VILL: variants seen among roughly 807,000 people sequenced by gnomAD.
VILL encodes the protein villin like.
A neutral mutation model predicts 106.3 loss-of-function variants in VILL; 102 were observed. The observed-to-expected ratio is 0.96, with a 90% confidence interval of 0.82 to 1.13. The LOEUF (loss-of-function observed/expected upper bound fraction) is 1.13. VILL is among the 50% of genes most tolerant of loss of function. VILL has a pLI of 0.00. For synonymous variants in VILL, 431 were observed against 440.3 expected, an observed-to-expected ratio of 0.98 and a Z score of 0.27; for missense variants, 1,076 against 1,116.6, an observed-to-expected ratio of 0.96 and a Z score of 0.52.
intron 1 of VILL, among the ~76,000 whole-genome samples, chr3:37,992,780 C>CCACAGTGGCAACAGTTGTT (rs749063600): frequency 2.6e-5 from 4 of 152,194 alleles, no homozygotes; most frequent in Admixed American, 6.5e-5. Flanking sequence ...TTGGGTGTTG[C>CCACAGTGGCAACAGTTGTT]CACAGTGTAC....
At position 37,998,500 on chromosome 3, in the gene VILL, C is replaced by T. The variant is rs1699749358; in HGVS notation, c.942+136C>T. The stretch of plus-strand genomic sequence containing the variant: ...GAGTTGGGAAATCCTATGCTGGAGT[C>T]TTAAAGGGGAGGTAGCCCTGCCCTG... On this transcript the variant is annotated intron_variant, in intron 9 of 19. Coordinates refer to ENST00000383759, the MANE Select transcript of VILL (RefSeq NM_015873.4). This position sits in a 1 kb window ranked among gnomAD's most constrained non-coding sequence, Gnocchi z 4.1. 1.3e-6 allele frequency: 1 copy of T among 798,700 alleles called. No homozygotes were observed. Among genetic ancestry groups the T allele is most frequent in the Non-Finnish European group, 2.0e-6 (1 of 507,384 alleles). 49.5% of individuals were successfully genotyped at this position (798,700 alleles called of 1,614,324 possible).
Position 37,997,542 on chromosome 3 carries a change from T to G in VILL, c.621T>G (p.Ile207Met). ...DRERGGGRAQ[I>M]GVVDDEAKAP... Reference sequence around the variant, plus strand: ...AACGTGGTGGTGGTCGTGCACAGATTGGTGTGGTGGATGATGAGGCCAAAG... The same window carrying G: ...AACGTGGTGGTGGTCGTGCACAGATGGGTGTGGTGGATGATGAGGCCAAAG... Residue 207 changes from isoleucine to methionine, a missense_variant, in exon 7 of 20, where the codon ATT becomes ATG. Coordinates refer to ENST00000383759, the MANE Select transcript of VILL (RefSeq NM_015873.4). The surrounding 1 kb of genome is among the most constrained non-coding windows in gnomAD (Gnocchi z 4.7). The G allele has an allele frequency of 1.2e-6, 2 of 1,613,998 alleles. No individual in the cohort carries two copies. The highest frequency in any genetic ancestry group is 1.7e-6 in the Non-Finnish European group (2 of 1,179,988).
chr3:37,991,707 A>C (rs1164160850), intron 1 of VILL, among the ~76,000 whole-genome samples: 1 of 151,984 alleles, frequency 6.6e-6, no homozygotes, highest in African/African-American at 2.4e-5. Context: ...GGAGAGGACC[A>C]GGGATAGGAG....
chr3:38,006,141 C>T, intron 17 of VILL, 40 bp from the exon 18 acceptor site: 3 of 1,613,906 alleles, frequency 1.9e-6, no homozygotes, highest in Non-Finnish European at 8.5e-7. Flanking sequence ...GCCCCCTTCT[C>T]CTGCCCTGGC....
intron 10 of VILL, 96 bp downstream of exon 10, chr3:37,999,146 G>T: frequency 1.8e-6 from 2 of 1,096,040 alleles, no homozygotes; most frequent in Non-Finnish European, 1.2e-6. Context: ...GTGAGCGGGC[G>T]GGGCGGGGCC....
intron 4 of VILL, among the ~76,000 whole-genome samples, chr3:37,995,471 G>A (rs952042938): frequency 2.0e-4 from 30 of 152,192 alleles, no homozygotes; most frequent in Admixed American, 1.1e-3. Context: ...AATACACAGT[G>A]TGCCCCCAAA....
At chr3:37,996,368 A>C (rs997655873) in intron 5 of VILL, among the ~76,000 whole-genome samples, 14 of 152,326 alleles carry the variant, frequency 9.2e-5, no homozygotes, top group African/African-American at 3.4e-4. Flanking sequence ...CCTCTGGTCC[A>C]TAGAGTGCCC....
rs1334780773 is a variant in VILL, at chr3:38,002,443, G to C, written c.1527G>C (p.Arg509Ser). 6 of 1,613,960 alleles carry C rather than the reference G, an allele frequency of 3.7e-6. No individual in the cohort carries two copies. The African/African-American group carries it at 5.3e-5, about 14-fold the overall frequency. The change falls in exon 14 of 20, where the codon AGG becomes AGC. Residue 509 changes from arginine (R) to serine (S), a missense_variant. Arg to Ser is a moderately radical substitution (Grantham distance 110, BLOSUM62 -1). Coordinates refer to ENST00000383759, the MANE Select transcript of VILL (RefSeq NM_015873.4). ...HGKGQSASTT[R>S]LFQVQGTDSH... ...AGGGGCAGTCAGCATCCACCACAAG[G>C]CTTTTCCAAGTGCAAGGCACTGACA... is the stretch of plus-strand genomic sequence containing the variant.
At chr3:38,003,715 TTG>T in intron 15 of VILL, 1 of 216,638 alleles carries the variant, frequency 4.6e-6, no homozygotes, top group Non-Finnish European at 9.4e-6. Flanking sequence ...ATTCAGGGTG[TTG>T]TGTGTGGTGT....
At chr3:37,993,353 G>T in intron 1 of VILL, 14 of 335,508 alleles carry the variant, frequency 4.2e-5, no homozygotes, top group Admixed American at 1.4e-4. Flanking sequence ...CCAGAAGGTG[G>T]AGGTTGCAGT....
chr3:38,004,439 G>T, intron 16 of VILL, 40 bp downstream of exon 16: 1 of 1,588,016 alleles, frequency 6.3e-7, no homozygotes, highest in Non-Finnish European at 8.6e-7. Context: ...TGTGAACGGG[G>T]GTGTGTTTCT....
At chr3:38,006,292 G>C (rs779485548) in intron 18 of VILL, 40 bp downstream of exon 18, 3 of 1,613,860 alleles carry the variant, frequency 1.9e-6, no homozygotes, top group Non-Finnish European at 1.7e-6. Context: ...CAGTGGCCTG[G>C]GCTCCGACAG....
At position 38,001,234 on chromosome 3, in the gene VILL, G is replaced by A. The variant is rs1575338005; in HGVS notation, c.1183-222G>A. On this transcript the variant is annotated intron_variant, in intron 11 of 19. Transcript: ENST00000383759. The stretch of plus-strand genomic sequence containing the variant: ...GGCTGGGATTGGGCCCATCTCCCAA[G>A]TGTGGTGGGTTTCAGGGGTCCGTGG... 4.6e-6 allele frequency: 3 copies of A among 653,870 alleles called. No homozygotes were observed. In the East Asian group the frequency reaches 8.5e-5, roughly 18 times the overall value. The allele number at this position is 653,870 out of a possible 1,614,324, so 40.5% of individuals were successfully genotyped here.
At position 37,994,463 on chromosome 3, in the gene VILL, T is replaced by G; in HGVS notation, c.338T>G (p.Ile113Ser). The change falls in exon 4 of 20, where the codon ATC becomes AGC. Residue 113 changes from isoleucine to serine, a missense_variant. Transcript: ENST00000383759. ...TTCTGCAGCTACTTCCGCCCGGGAATCATGTGAGTGCGGGGGCGACCGGGG... is the reference window on the plus strand; with the variant it reads ...TTCTGCAGCTACTTCCGCCCGGGAAGCATGTGAGTGCGGGGGCGACCGGGG... ...DCFCSYFRPG[I>S]IYRKGGLASD... is the part of the protein sequence containing the mutation. 1 of 1,612,174 alleles carries G rather than the reference T, an allele frequency of 6.2e-7. No homozygotes were observed.
chr3:38,001,271 C>T (rs1055045911), intron 11 of VILL, 185 bp from the exon 12 acceptor site: 18 of 875,480 alleles, frequency 2.1e-5, no homozygotes, highest in Non-Finnish European at 3.1e-5. Context: ...GAAAGGGTCA[C>T]CTGCAGATCC....
At chr3:37,989,615 G>C (rs1202367434), upstream of VILL, among the ~76,000 whole-genome samples, 2 of 152,190 alleles carry the variant, frequency 1.3e-5, no homozygotes, top group Non-Finnish European at 2.9e-5. Flanking sequence ...GATGGGGGAA[G>C]AGTCGGTGGG....
At position 38,006,946 on chromosome 3, in the gene VILL, A is replaced by ATCTC. The variant is rs1447656276; in HGVS notation, c.2465_2468dup (p.Asp824LeufsTer4). 3.7e-6 allele frequency: 6 copies of ATCTC among 1,613,670 alleles called. No homozygotes were observed. The East Asian group carries it at 1.3e-4, about 36-fold the overall frequency. ...CCCCCTCTCTCCCCTGCCCAGTTCT[A>ATCTC]TCTCTCAGACTCTGACTTCCAAGAT... On this transcript the variant is annotated frameshift_variant, in exon 20 of 20. Coordinates refer to ENST00000383759, the MANE Select transcript of VILL (RefSeq NM_015873.4). LOFTEE classifies it high-confidence loss of function.
In VILL at chr3:37,997,326, T is replaced by G. The variant is rs752838234; in HGVS notation, c.561+139T>G. 3 of 1,164,546 alleles carry G rather than the reference T, an allele frequency of 2.6e-6. No individual in the cohort carries two copies. The African/African-American group carries it at 4.6e-5, about 18-fold the overall frequency. The allele number at this position is 1,164,546 out of a possible 1,614,324, so 72.1% of individuals were successfully genotyped here. A position where few individuals can be genotyped will look rare whatever the true frequency, so the allele number is the denominator to read the frequency against. On this transcript the variant is annotated intron_variant, in intron 6 of 19. Coordinates refer to ENST00000383759, the MANE Select transcript of VILL (RefSeq NM_015873.4). The surrounding 1 kb of genome is among the most constrained non-coding windows in gnomAD (Gnocchi z 4.7). Reference sequence around the variant, plus strand: ...AAACGCCTATGAGTTACAAGCTGAGTTCAGACCCTGCATTGTTGGTGTCCC... The same window carrying G: ...AAACGCCTATGAGTTACAAGCTGAGGTCAGACCCTGCATTGTTGGTGTCCC...
At position 38,005,948 on chromosome 3, in the gene VILL, T is replaced by C. The variant is rs1364480463; in HGVS notation, c.2107T>C (p.Phe703Leu). The change falls in exon 17 of 20, where the codon TTC becomes CTC. Residue 703 changes from phenylalanine (F) to leucine (L), a missense_variant. Transcript: ENST00000383759. ...HEPPTFIGWF[F>L]TWDPYKWTSH... Reference sequence around the variant, plus strand: ...GCCTCCCACCTTCATTGGATGGTTCTTCACTTGGGACCCCTACAAGTGGAC... The same window carrying C: ...GCCTCCCACCTTCATTGGATGGTTCCTCACTTGGGACCCCTACAAGTGGAC... 3.1e-6 allele frequency: 5 copies of C among 1,613,390 alleles called. No homozygotes were observed. The highest frequency in any genetic ancestry group is 8.5e-7 in the Non-Finnish European group (1 of 1,179,520).
Sources: gnomAD v4.1 joint callset for allele counts (sites outside exome capture counted in the v4.1 genomes callset) on GRCh38, gnomAD v4.1.1 for gene constraint, Gnocchi (gnomAD v3.1) non-coding constraint, MANE v1.5 for transcripts, NCBI Gene and HGNC (gene_info 2026-07-23, HGNC 2026-07-21) for gene names.